The following ANO4 variants were observed in gnomAD, a reference collection of about 807,000 sequenced individuals.
ANO4 encodes anoctamin 4, also known as anoctamin-4.
A neutral mutation model predicts 141.9 loss-of-function variants in ANO4; 69 were observed. That is an observed-to-expected ratio of 0.49 (90% CI 0.40 to 0.59). ANO4 has a LOEUF of 0.59. Among genes scored for constraint, ANO4 ranks in the 20% least tolerant of loss-of-function variants. The pLI, the probability that ANO4 is intolerant of heterozygous loss-of-function variation, is 0.00. For synonymous variants in ANO4, 350 were observed against 394.3 expected (o/e 0.89, Z 1.33); for missense variants, 894 against 1,162.2 (o/e 0.77, Z 3.36).
chr12:100,795,150 C>T (rs975740038), intron 1 of ANO4, 123 bp downstream of exon 1: 1 of 152,692 alleles, frequency 6.5e-6, no homozygotes, highest in Non-Finnish European at 1.5e-5. Flanking sequence ...TGGATCTTGT[C>T]TGGGATGATC....
chr12:100,950,975 G>A (rs2042948340), intron 5 of ANO4, among the ~76,000 whole-genome samples: 1 of 152,178 alleles, frequency 6.6e-6, no homozygotes, highest in Non-Finnish European at 1.5e-5. Flanking sequence ...AATTTGTCAA[G>A]TTGTTCTTCT....
At chr12:101,054,258 G>T (rs1041125294) in intron 14 of ANO4, among the ~76,000 whole-genome samples, 12 of 152,178 alleles carry the variant, frequency 7.9e-5, no homozygotes, top group Non-Finnish European at 1.8e-4. Flanking sequence ...TTAAAGTAGG[G>T]TATAAAGTAT....
chr12:101,101,046 C>T (rs1476867205), intron 22 of ANO4, among the ~76,000 whole-genome samples: 2 of 152,224 alleles, frequency 1.3e-5, no homozygotes, highest in Non-Finnish European at 2.9e-5. Context: ...TGCTTTGGCA[C>T]TGCAACAGTA....
intron 3 of ANO4, among the ~76,000 whole-genome samples, chr12:100,933,241 G>A (rs1227370134): frequency 6.6e-6 from 1 of 151,890 alleles, no homozygotes; most frequent in Admixed American, 6.6e-5. Flanking sequence ...TTTACATTAG[G>A]TATTTCTCCT....
At chr12:101,063,401 G>A (rs978765351) in intron 14 of ANO4, among the ~76,000 whole-genome samples, 34 of 152,200 alleles carry the variant, frequency 2.2e-4, no homozygotes, top group African/African-American at 8.2e-4. Context: ...ATAATAGGAT[G>A]ATCTTGCATT....
At chr12:100,935,169 T>C (rs1200045588) in intron 3 of ANO4, among the ~76,000 whole-genome samples, 1 of 152,182 alleles carries the variant, frequency 6.6e-6, no homozygotes, top group African/African-American at 2.4e-5. Context: ...TGTCTTGTGC[T>C]GGTTTTCAAA....
At chr12:100,931,401 T>C (rs1180830045) in intron 3 of ANO4, among the ~76,000 whole-genome samples, 5 of 152,190 alleles carry the variant, frequency 3.3e-5, no homozygotes, top group African/African-American at 1.2e-4. Flanking sequence ...ACTTCCATTC[T>C]TGAAAGCCAA....
chr12:100,861,419 G>A (rs2038468930), intron 1 of ANO4, among the ~76,000 whole-genome samples: 1 of 152,152 alleles, frequency 6.6e-6, no homozygotes, highest in East Asian at 1.9e-4. Flanking sequence ...GTAACACAGT[G>A]ATAAGTATTT....
chr12:100,923,410 A>G (rs1466717781), intron 3 of ANO4, among the ~76,000 whole-genome samples: 4 of 151,024 alleles, frequency 2.6e-5, no homozygotes, highest in African/African-American at 7.3e-5. Flanking sequence ...CCTTGTGATC[A>G]TTTGCTGAGA....
chr12:101,094,806 C>G (rs1468988883), intron 18 of ANO4, among the ~76,000 whole-genome samples: 2 of 151,708 alleles, frequency 1.3e-5, no homozygotes, highest in African/African-American at 4.9e-5. Context: ...GATAAAATAA[C>G]AAGACCCTGT....
chr12:100,773,293 G>T (rs187553556), intron 3 of ANO4, among the ~76,000 whole-genome samples: 4 of 152,250 alleles, frequency 2.6e-5, no homozygotes, highest in African/African-American at 9.6e-5. Flanking sequence ...TCACCTTAGG[G>T]TTTATGTTCT....
intron 1 of ANO4, among the ~76,000 whole-genome samples, chr12:100,830,303 T>C (rs2036569689): frequency 6.6e-6 from 1 of 152,030 alleles, no homozygotes; most frequent in Non-Finnish European, 1.5e-5. Flanking sequence ...TCTTCTTTCT[T>C]TTCTAAATGG....
At chr12:100,916,518 C>G (rs144639819) in intron 2 of ANO4, among the ~76,000 whole-genome samples, 10 of 152,114 alleles carry the variant, frequency 6.6e-5, no homozygotes, top group Non-Finnish European at 1.3e-4. Context: ...CAGTTTGATC[C>G]CAGGCTTCAA....
chr12:100,965,031 G>A (rs2043591267), intron 5 of ANO4, among the ~76,000 whole-genome samples: 1 of 152,154 alleles, frequency 6.6e-6, no homozygotes, highest in Admixed American at 6.6e-5. Context: ...CAGGCCATCA[G>A]TAAAGATTTG....
intron 22 of ANO4, among the ~76,000 whole-genome samples, chr12:101,108,538 A>G (rs1243124285): frequency 1.3e-5 from 2 of 152,186 alleles, no homozygotes; most frequent in African/African-American, 4.8e-5. Flanking sequence ...GTGTATATGA[A>G]GTAATTAGAA....
intron 3 of ANO4, among the ~76,000 whole-genome samples, chr12:100,923,289 C>G (rs571124309): frequency 6.6e-6 from 1 of 150,830 alleles, no homozygotes; most frequent in South Asian, 2.1e-4. Context: ...CTCCCCCAGC[C>G]CCCCACCCTA....
At chr12:100,833,993 A>G (rs1038198945) in intron 1 of ANO4, among the ~76,000 whole-genome samples, 16 of 152,110 alleles carry the variant, frequency 1.1e-4, no homozygotes, top group Non-Finnish European at 2.1e-4. Context: ...ATGGGTAAAG[A>G]GAGGACCTTT....
At chr12:100,946,746 G>A (rs1479766452) in intron 5 of ANO4, among the ~76,000 whole-genome samples, 1 of 152,160 alleles carries the variant, frequency 6.6e-6, no homozygotes, top group Non-Finnish European at 1.5e-5. Context: ...AGGAGTAACT[G>A]CAAATAAAAA....
chr12:100,918,662 A>G (rs910117804), intron 2 of ANO4, among the ~76,000 whole-genome samples: 10 of 152,154 alleles, frequency 6.6e-5, no homozygotes, highest in Non-Finnish European at 1.3e-4. Context: ...GCCGGTGTAA[A>G]CAAACCTACT....
Sources: gnomAD v4.1 joint callset for allele counts (sites outside exome capture counted in the v4.1 genomes callset) on GRCh38, gnomAD v4.1.1 for gene constraint, MANE v1.5 for transcripts, NCBI Gene and HGNC (gene_info 2026-07-23, HGNC 2026-07-21) for gene names.